The following BMPER variants were observed in gnomAD, a reference collection of about 807,000 sequenced individuals.
The protein encoded by BMPER is BMP binding endothelial regulator.
Under a neutral mutation model 87.3 loss-of-function variants are expected in BMPER, and 45 were observed. That is an observed-to-expected ratio of 0.52 (90% CI 0.41 to 0.66). BMPER has a LOEUF of 0.66. Among genes scored for constraint, BMPER ranks in the 30% least tolerant of loss-of-function variants. The pLI is 0.00. For missense variants in BMPER, 784 were observed against 867.5 expected (o/e 0.90, Z 1.21); for synonymous variants, 326 against 316.2 (o/e 1.03, Z -0.33).
chr7:34,149,176 C>T (rs542130377), intron 14 of BMPER, among the ~76,000 whole-genome samples: 1 of 152,014 alleles, frequency 6.6e-6, no homozygotes, highest in African/African-American at 2.4e-5. Flanking sequence ...ACAGTGACCC[C>T]CAGAAACTTT....
chr7:34,035,904 C>T (rs1433446911), intron 6 of BMPER, among the ~76,000 whole-genome samples: 1 of 152,122 alleles, frequency 6.6e-6, no homozygotes, highest in Non-Finnish European at 1.5e-5. Flanking sequence ...TTTAGGAAAA[C>T]AGTTCATTGG....
At chr7:33,959,194 G>T (rs1785213843) in intron 3 of BMPER, among the ~76,000 whole-genome samples, 1 of 152,068 alleles carries the variant, frequency 6.6e-6, no homozygotes, top group Non-Finnish European at 1.5e-5. Flanking sequence ...GCTTTTATGA[G>T]AATAAAATTA....
chr7:33,937,168 C>T (rs575098464), intron 2 of BMPER, 121 bp from the exon 3 acceptor site: 50 of 981,518 alleles, frequency 5.1e-5, no homozygotes, highest in Admixed American at 1.6e-4. Context: ...GCTCTCACAG[C>T]GTCTTCTTGC....
chr7:33,999,643 A>G (rs1042111788), intron 6 of BMPER, among the ~76,000 whole-genome samples: 1 of 152,178 alleles, frequency 6.6e-6, no homozygotes, highest in Non-Finnish European at 1.5e-5. Context: ...ACAGCTGATA[A>G]TCTAGATAAG....
chr7:34,125,328 T>C (rs746241574), intron 13 of BMPER, among the ~76,000 whole-genome samples: 1 of 152,204 alleles, frequency 6.6e-6, no homozygotes, highest in Non-Finnish European at 1.5e-5. Context: ...CCATTGCTGA[T>C]CATTTGTCCC....
intron 10 of BMPER, among the ~76,000 whole-genome samples, chr7:34,060,371 C>T (rs1788405265): frequency 6.6e-6 from 1 of 152,124 alleles, no homozygotes; most frequent in African/African-American, 2.4e-5. Flanking sequence ...TGGGCCTGAG[C>T]TGACCTCATT....
At chr7:33,983,512 T>C (rs907695864) in intron 6 of BMPER, among the ~76,000 whole-genome samples, 6 of 152,210 alleles carry the variant, frequency 3.9e-5, no homozygotes, top group Non-Finnish European at 1.5e-5. Context: ...GCCAGGTACA[T>C]ATAGTATATA....
chr7:33,956,361 C>T (rs1785147464), intron 3 of BMPER, among the ~76,000 whole-genome samples: 1 of 152,078 alleles, frequency 6.6e-6, no homozygotes, highest in South Asian at 2.1e-4. Context: ...CAATGAAGCA[C>T]ATAAAAAGAT....
chr7:34,153,095 C>G lies in BMPER; in HGVS notation c.1880C>G (p.Thr627Ser). ...HWEPQQNCAATQCKHGAVYDT... is the reference protein window; with the variant it reads ...HWEPQQNCAASQCKHGAVYDT... ...TTTGTCTCCTTCTCTTTTTCAGCCA[C>G]CCAGTGTAAGCATGGTGCTGTGTAC... Residue 627 changes from threonine (T) to serine (S), a missense_variant, in exon 15 of 15, where the codon ACC becomes AGC. By Grantham distance (58) the Thr-to-Ser change is moderately conservative. Transcript: ENST00000649409. 6.2e-7 allele frequency: 1 copy of G among 1,614,014 alleles called. No homozygotes were observed. The highest frequency in any genetic ancestry group is 1.3e-5 in the African/African-American group (1 of 75,026).
intron 13 of BMPER, among the ~76,000 whole-genome samples, chr7:34,106,374 T>C (rs1235514090): frequency 6.6e-6 from 1 of 152,206 alleles, no homozygotes; most frequent in African/African-American, 2.4e-5. Flanking sequence ...TCCCTGACTT[T>C]CCTTGTCTGT....
Position 34,154,541 on chromosome 7 carries a change from G to A in BMPER, c.*1268G>A, listed in dbSNP as rs944003479. On this transcript the variant is annotated 3_prime_UTR_variant, in exon 15 of 15. Transcript: ENST00000649409. The stretch of plus-strand genomic sequence containing the variant: ...TGTCCTGTGTTATACTTTACAATTA[G>A]TTGTATCAACTTCAGATTCATTAAA... 3.3e-5 allele frequency: 5 copies of A among 152,118 alleles called. No homozygotes were observed. The highest frequency in any genetic ancestry group is 1.2e-4 in the African/African-American group (5 of 41,428). The allele number at this position is 152,118 out of a possible 1,614,324, so 9.4% of individuals were successfully genotyped here. A position where few individuals can be genotyped will look rare whatever the true frequency, so the allele number is the denominator to read the frequency against.
At chr7:34,141,039 C>A (rs1160069497) in intron 13 of BMPER, among the ~76,000 whole-genome samples, 2 of 151,476 alleles carry the variant, frequency 1.3e-5, no homozygotes, top group South Asian at 4.1e-4. Context: ...AGGTTAGAAC[C>A]TGGGGCAGCC....
At chr7:34,066,994 C>G (rs1383044856) in intron 11 of BMPER, among the ~76,000 whole-genome samples, 1 of 152,202 alleles carries the variant, frequency 6.6e-6, no homozygotes, top group Non-Finnish European at 1.5e-5. Context: ...GTAGCTACAT[C>G]AGACCTAACC....
intron 13 of BMPER, among the ~76,000 whole-genome samples, chr7:34,130,532 C>G (rs1050974508): frequency 6.6e-6 from 1 of 152,162 alleles, no homozygotes; most frequent in Non-Finnish European, 1.5e-5. Context: ...CTGGACTTGA[C>G]TATATAAACA....
chr7:33,972,724 T>G (rs1785580806), intron 5 of BMPER, among the ~76,000 whole-genome samples: 1 of 152,280 alleles, frequency 6.6e-6, no homozygotes, highest in South Asian at 2.1e-4. Flanking sequence ...GGAAGGCAAA[T>G]CTTTAAGAAT....
chr7:33,984,126 C>T (rs183325068), intron 6 of BMPER, among the ~76,000 whole-genome samples: 72 of 152,134 alleles, frequency 4.7e-4, no homozygotes, highest in Middle Eastern at 3.4e-3. Flanking sequence ...TGATAGTTTC[C>T]GGGCAGAGCC....
chr7:34,071,642 G>C (rs1440883872), intron 11 of BMPER, among the ~76,000 whole-genome samples: 1 of 139,104 alleles, frequency 7.2e-6, no homozygotes, highest in African/African-American at 2.5e-5. Flanking sequence ...TTCTTGGATA[G>C]TGAGAGTGGC....
chr7:33,969,532 T>A (rs1190150575), intron 4 of BMPER, among the ~76,000 whole-genome samples: 3 of 152,198 alleles, frequency 2.0e-5, no homozygotes, highest in Non-Finnish European at 4.4e-5. Context: ...CCTGAGTAGC[T>A]GGGACTACAG....
chr7:33,992,797 T>C, intron 6 of BMPER, among the ~76,000 whole-genome samples: 1 of 141,428 alleles, frequency 7.1e-6, no homozygotes, highest in African/African-American at 2.6e-5. Flanking sequence ...TCAGGAGCTC[T>C]TTTAGGGCAG....
Sources: allele counts gnomAD v4.1 joint callset (sites outside exome capture counted in the v4.1 genomes callset), GRCh38; gene constraint gnomAD v4.1.1; transcripts MANE v1.5; gene names NCBI Gene and HGNC (gene_info 2026-07-23, HGNC 2026-07-21).